Variants in FERMT1 observed in about 807,000 individuals in gnomAD.
FERMT1 encodes fermitin family homolog 1.
Under a neutral mutation model 85.3 loss-of-function variants are expected in FERMT1, and 60 were observed. That is an observed-to-expected ratio of 0.70 (90% CI 0.57 to 0.87). The LOEUF (loss-of-function observed/expected upper bound fraction) is 0.87. Ranked by LOEUF, FERMT1 falls within the 40% of genes least tolerant of loss-of-function variation. The pLI, the probability that FERMT1 is intolerant of heterozygous loss-of-function variation, is 0.00. For synonymous variants in FERMT1, 275 were observed against 301.1 expected (o/e 0.91, Z 0.90); for missense variants, 701 against 818.9 (o/e 0.86, Z 1.76).
At chr20:6,108,414 G>T (rs1386759848) in intron 5 of FERMT1, among the ~76,000 whole-genome samples, 4 of 152,040 alleles carry the variant, frequency 2.6e-5, no homozygotes, top group African/African-American at 9.7e-5. Flanking sequence ...TTTTCTCATG[G>T]ATACTCTAAA....
At position 6,112,573 on chromosome 20, in the gene FERMT1, A is replaced by G. The variant is rs1332560904; in HGVS notation, c.436T>C (p.Phe146Leu). 6.2e-7 allele frequency: 1 copy of G among 1,606,034 alleles called. No homozygotes were observed. Residue 146 changes from phenylalanine (F) to leucine (L), a missense_variant, in exon 4 of 15, where the codon TTT (phenylalanine) becomes CTT (leucine). Physicochemically the swap from Phe to Leu is conservative, Grantham distance 22. Transcript: ENST00000217289. ...TTGTCTTTTTTCTTCTTCTTCTTAAAATAGTCACCAGACGGCTTTAACAAG... is the reference window on the plus strand; with the variant it reads ...TTGTCTTTTTTCTTCTTCTTCTTAAGATAGTCACCAGACGGCTTTAACAAG... ...LSLLKPSGDY[F>L]KKKKKKDKNN...
chr20:6,102,019 T>C (rs918954218), intron 6 of FERMT1, among the ~76,000 whole-genome samples: 2 of 152,124 alleles, frequency 1.3e-5, no homozygotes, highest in African/African-American at 2.4e-5. Context: ...ATATTTACCA[T>C]CTTAACCATC....
rs1412262073 is a variant in FERMT1, at chr20:6,079,622, A to G, written c.1719-45T>C. On this transcript the variant is annotated intron_variant, in intron 13 of 14. Transcript: ENST00000217289. ...TAGTTAAGAGAAGCAACTGCTTCCT[A>G]TAATACAATGTTCACTCACATATAA... The G allele has an allele frequency of 5.2e-6, 8 of 1,546,632 alleles. No homozygotes were observed. In the East Asian group the frequency reaches 9.0e-5, roughly 17 times the overall value.
chr20:6,086,211 C>T (rs1362401466), intron 11 of FERMT1, among the ~76,000 whole-genome samples: 1 of 151,448 alleles, frequency 6.6e-6, no homozygotes, highest in African/African-American at 2.4e-5. Flanking sequence ...AAACCGCAAA[C>T]TGTCAGCTTT....
At chr20:6,081,235 C>T (rs917546245) in intron 13 of FERMT1, among the ~76,000 whole-genome samples, 2 of 150,858 alleles carry the variant, frequency 1.3e-5, no homozygotes, top group African/African-American at 4.9e-5. Context: ...ATGATTGTGC[C>T]ACTGTGACAG....
chr20:6,096,223 T>G (rs1391660307), intron 8 of FERMT1, among the ~76,000 whole-genome samples: 1 of 152,188 alleles, frequency 6.6e-6, no homozygotes, highest in Non-Finnish European at 1.5e-5. Flanking sequence ...AATAAGGTTT[T>G]TATCGGTAAA....
intron 14 of FERMT1, 57 bp from the exon 15 acceptor site, chr20:6,077,403 A>C: frequency 1.4e-6 from 2 of 1,462,708 alleles, no homozygotes; most frequent in Non-Finnish European, 1.9e-6. Context: ...TGAAAAAAAA[A>C]GTGCTTTGCT....
intron 10 of FERMT1, among the ~76,000 whole-genome samples, 153 bp downstream of exon 10, chr20:6,088,812 T>C (rs1279467528): frequency 6.6e-6 from 1 of 151,550 alleles, no homozygotes; most frequent in Non-Finnish European, 1.5e-5. Flanking sequence ...TTAGTAGAGA[T>C]GGGGTTTCAC....
At chr20:6,115,543 G>A (rs932753571) in intron 3 of FERMT1, among the ~76,000 whole-genome samples, 1 of 152,148 alleles carries the variant, frequency 6.6e-6, no homozygotes, top group Non-Finnish European at 1.5e-5. Flanking sequence ...ATTTTGGGGG[G>A]CAATCTTAGT....
intron 1 of FERMT1, among the ~76,000 whole-genome samples, chr20:6,120,984 G>A (rs1983257043): frequency 6.6e-6 from 1 of 152,180 alleles, no homozygotes; most frequent in African/African-American, 2.4e-5. Context: ...CATTCGAAAC[G>A]ACTCATTTGT....
chr20:6,084,055 G>A lies in FERMT1; in HGVS notation c.1703C>T (p.Thr568Ile). 1 of 1,614,182 alleles carries A rather than the reference G, an allele frequency of 6.2e-7. No homozygotes were observed. Among genetic ancestry groups the A allele is most frequent in the South Asian group, 1.1e-5 (1 of 91,080 alleles). ...TTGTAATCACCTGACAAGGTAGTAG[G>A]TGAGGCCAAACTCAGGCAGTGACTG... is the stretch of plus-strand genomic sequence containing the variant. ...AWQSLPEFGLTYYLVRFKGSK... is the reference protein window; with the variant it reads ...AWQSLPEFGLIYYLVRFKGSK... Residue 568 changes from threonine to isoleucine, a missense_variant, in exon 13 of 15, where the codon ACC becomes ATC. By Grantham distance (89) the Thr-to-Ile change is moderately conservative (BLOSUM62 -1). Transcript: ENST00000217289.
In FERMT1 at chr20:6,077,127, G is replaced by A. The variant is rs377387638; in HGVS notation, c.*46C>T. ...GTTAGGGATCCCTCTGGGGAGGGGCGCCTTTGGCTTGCCTTGTTGGTGTGA... is the reference window on the plus strand; with the variant it reads ...GTTAGGGATCCCTCTGGGGAGGGGCACCTTTGGCTTGCCTTGTTGGTGTGA... On this transcript the variant is annotated 3_prime_UTR_variant, in exon 15 of 15. Transcript: ENST00000217289. 2.0e-5 allele frequency: 32 copies of A among 1,602,830 alleles called. No homozygotes were observed. Among genetic ancestry groups the A allele is most frequent in the Non-Finnish European group, 2.6e-5 (31 of 1,171,540 alleles).
chr20:6,121,131 TG>T lies in FERMT1; in HGVS notation c.-18-1560del, dbSNP rs1363471504. On this transcript the variant is annotated intron_variant, in intron 1 of 14. Coordinates refer to ENST00000217289, the MANE Select transcript of FERMT1 (RefSeq NM_017671.5). The stretch of plus-strand genomic sequence containing the variant: ...GCTCCTTATGTTTTTGTTTTGTTTT[TG>T]TTTTTTTTGAGATGGAGTCTTGCTC... Among the ~76,000 whole-genome samples the T allele has an allele frequency of 2.9e-4, 44 of 152,284 alleles. No homozygotes were observed. The South Asian group carries it at 8.9e-3, about 31-fold the overall frequency.
chr20:6,100,103 T>G (rs1313918568), intron 6 of FERMT1, among the ~76,000 whole-genome samples: 2 of 152,028 alleles, frequency 1.3e-5, no homozygotes, highest in Non-Finnish European at 2.9e-5. Context: ...ATTATGTATA[T>G]TTTACAATAA....
chr20:6,119,655 T>G, intron 1 of FERMT1, 83 bp from the exon 2 acceptor site: 1 of 1,172,262 alleles, frequency 8.5e-7, no homozygotes, highest in Non-Finnish European at 1.2e-6. Flanking sequence ...AAAATTTCTT[T>G]TTTGTTTTGT....
At position 6,076,773 on chromosome 20, in the gene FERMT1, T is replaced by C. The variant is rs1475760506; in HGVS notation, c.*400A>G. ...CCTGAGTTTGTGAAATAAGAGTTGT[T>C]CTTGCTACACGTGATTTTTACCTTT... is the stretch of plus-strand genomic sequence containing the variant. On this transcript the variant is annotated 3_prime_UTR_variant, in exon 15 of 15. Transcript: ENST00000217289. The C allele has an allele frequency of 5.9e-6, 2 of 338,730 alleles. No homozygotes were observed. The highest frequency in any genetic ancestry group is 4.3e-5 in the African/African-American group (2 of 46,866). The allele number at this position is 338,730 out of a possible 1,614,324, so 21.0% of individuals were successfully genotyped here.
intron 5 of FERMT1, 51 bp downstream of exon 5, chr20:6,110,247 T>G: frequency 6.8e-7 from 1 of 1,461,676 alleles, no homozygotes; most frequent in Non-Finnish European, 9.6e-7. Context: ...ATCCCATCTC[T>G]TACTGTGTCG....
Position 6,110,647 on chromosome 20 carries a change from T to A in FERMT1, c.533-136A>T. On this transcript the variant is annotated intron_variant, in intron 4 of 14. Coordinates refer to ENST00000217289, the MANE Select transcript of FERMT1 (RefSeq NM_017671.5). ...CCATTTAAAATAATATAAGTCAAGC[T>A]GGGCACTGTGGCCCGCGTCTATAAT... The A allele has an allele frequency of 4.1e-6, 3 of 737,364 alleles. No homozygotes were observed. The Admixed American group carries it at 6.2e-5, about 15-fold the overall frequency. 45.7% of individuals were successfully genotyped at this position (737,364 alleles called of 1,614,324 possible). A position where few individuals can be genotyped will look rare whatever the true frequency, so the allele number is the denominator to read the frequency against.
chr20:6,122,715 TG>T (rs1297937536), intron 1 of FERMT1, 58 bp downstream of exon 1: 2 of 152,446 alleles, frequency 1.3e-5, no homozygotes, highest in Admixed American at 6.5e-5. Flanking sequence ...CAGGAGCCAC[TG>T]GTGCCCATGA....
Sources: gnomAD v4.1 joint callset for allele counts (sites outside exome capture counted in the v4.1 genomes callset) on GRCh38, gnomAD v4.1.1 for gene constraint, MANE v1.5 for transcripts, NCBI Gene and HGNC (gene_info 2026-07-23, HGNC 2026-07-21) for gene names.